CBLB: variants seen among roughly 807,000 people sequenced by gnomAD.
The protein encoded by CBLB is E3 ubiquitin-protein ligase CBL-B.
A neutral mutation model predicts 104.9 loss-of-function variants in CBLB; 31 were observed. That is an observed-to-expected ratio of 0.30 (90% CI 0.22 to 0.40). CBLB has a LOEUF of 0.40. CBLB is among the 10% of genes least tolerant of loss of function. The pLI is 1.00. For missense variants in CBLB, 1,062 were observed against 1,214.6 expected, an observed-to-expected ratio of 0.87 and a Z score of 1.87; for synonymous variants, 440 against 422.6, an observed-to-expected ratio of 1.04 and a Z score of -0.51.
intron 13 of CBLB, among the ~76,000 whole-genome samples, chr3:105,689,085 T>C (rs1245155717): frequency 1.3e-5 from 2 of 152,064 alleles, no homozygotes; most frequent in Non-Finnish European, 2.9e-5. Flanking sequence ...TTTATCCTCT[T>C]CCCTGCTTAT....
intron 1 of CBLB, chr3:105,868,507 C>G (rs1376735754): frequency 3.0e-6 from 1 of 332,682 alleles, no homozygotes; most frequent in East Asian, 4.7e-5. Context: ...GGACGCGCCT[C>G]CCGGCCGCCT....
intron 2 of CBLB, among the ~76,000 whole-genome samples, chr3:105,866,154 T>C (rs1272848354): frequency 6.6e-6 from 1 of 152,188 alleles, no homozygotes; most frequent in Non-Finnish European, 1.5e-5. Flanking sequence ...ACTAAGGCTA[T>C]TTATCTGGCA....
chr3:105,845,742 G>C (rs1156378404), intron 3 of CBLB, among the ~76,000 whole-genome samples: 2 of 151,978 alleles, frequency 1.3e-5, no homozygotes, highest in Non-Finnish European at 2.9e-5. Flanking sequence ...GAAAACATTT[G>C]TCTAAATAAC....
At chr3:105,709,862 T>G (rs532070025) in intron 10 of CBLB, among the ~76,000 whole-genome samples, 1 of 152,094 alleles carries the variant, frequency 6.6e-6, no homozygotes, top group Non-Finnish European at 1.5e-5. Flanking sequence ...ACCAGCCATG[T>G]GTGATAATTA....
intron 3 of CBLB, among the ~76,000 whole-genome samples, chr3:105,833,669 A>G (rs2087931488): frequency 6.6e-6 from 1 of 151,926 alleles, no homozygotes; most frequent in Non-Finnish European, 1.5e-5. Context: ...TATATTCCTT[A>G]TAATTTGAAT....
At chr3:105,869,236 A>C, upstream of CBLB, 1 of 661,458 alleles carries the variant, frequency 1.5e-6, no homozygotes, top group Non-Finnish European at 2.5e-6. Context: ...TCAGAAAGGA[A>C]TTGGACTCGG....
chr3:105,800,135 T>C (rs921245181), intron 3 of CBLB, among the ~76,000 whole-genome samples: 1 of 152,146 alleles, frequency 6.6e-6, no homozygotes, highest in African/African-American at 2.4e-5. Flanking sequence ...GGGCCTCAAA[T>C]TCCTCATCTG....
intron 14 of CBLB, among the ~76,000 whole-genome samples, chr3:105,683,181 C>G (rs1362813981): frequency 6.6e-6 from 1 of 152,130 alleles, no homozygotes; most frequent in Non-Finnish European, 1.5e-5. Flanking sequence ...TGGATTTTTA[C>G]TGAAATTAAA....
rs185573072 is a variant in CBLB at position 105,741,973 on chromosome 3, C to A, written c.846-1342G>T. Among the ~76,000 whole-genome samples, 373 of 152,306 alleles carry A rather than the reference C, an allele frequency of 2.4e-3. 6 individuals carry two copies. Among genetic ancestry groups the A allele is most frequent in the Admixed American group, 0.021 (328 of 15,296 alleles). On this transcript the variant is annotated intron_variant, in intron 6 of 18. Coordinates refer to ENST00000394030, the MANE Select transcript of CBLB (RefSeq NM_170662.5). ...GTTAAGATAGTTCAAAAATATAAAT[C>A]AAATCAAGTCCCTTGAAACTAATAT...
intron 2 of CBLB, among the ~76,000 whole-genome samples, chr3:105,867,023 T>C (rs1328999329): frequency 6.6e-6 from 1 of 152,238 alleles, no homozygotes; most frequent in Non-Finnish European, 1.5e-5. Flanking sequence ...TACCAGATGA[T>C]TGTCATGAGT....
intron 3 of CBLB, among the ~76,000 whole-genome samples, chr3:105,793,322 G>C (rs1417192117): frequency 1.3e-5 from 2 of 152,090 alleles, no homozygotes; most frequent in African/African-American, 4.8e-5. Flanking sequence ...CACTCTCTGG[G>C]AAGCTGGCCC....
intron 3 of CBLB, among the ~76,000 whole-genome samples, chr3:105,845,480 C>T (rs1360200709): frequency 6.6e-6 from 1 of 150,726 alleles, no homozygotes; most frequent in Non-Finnish European, 1.5e-5. Flanking sequence ...TGGTGGAATT[C>T]ATTTTAATTA....
At chr3:105,811,386 C>A (rs1258207952) in intron 3 of CBLB, among the ~76,000 whole-genome samples, 3 of 152,088 alleles carry the variant, frequency 2.0e-5, no homozygotes, top group Admixed American at 6.6e-5. Flanking sequence ...AGTTTAAAAA[C>A]CAATTATTTC....
At chr3:105,838,141 G>C (rs531498563) in intron 3 of CBLB, among the ~76,000 whole-genome samples, 1 of 138,232 alleles carries the variant, frequency 7.2e-6, no homozygotes, top group African/African-American at 2.7e-5. Context: ...GGAGTGCAGC[G>C]CCATGACCTC....
At chr3:105,676,488 A>G (rs774953492) in intron 17 of CBLB, among the ~76,000 whole-genome samples, 1 of 152,196 alleles carries the variant, frequency 6.6e-6, no homozygotes, top group South Asian at 2.1e-4. Flanking sequence ...AGTTCCATCT[A>G]TTGGGGCTTA....
chr3:105,756,472 CATAA>C (rs778832444), intron 4 of CBLB, among the ~76,000 whole-genome samples: 2 of 151,968 alleles, frequency 1.3e-5, no homozygotes, highest in Non-Finnish European at 2.9e-5. Flanking sequence ...ATATAAAAAA[CATAA>C]ATAAAGGTAT....
intron 2 of CBLB, among the ~76,000 whole-genome samples, chr3:105,855,256 T>TGGGGA (rs1233277268): frequency 6.6e-6 from 1 of 151,874 alleles, no homozygotes; most frequent in Non-Finnish European, 1.5e-5. Context: ...GCCCCAGGGA[T>TGGGGA]GGGGAGGGGA....
chr3:105,847,421 CA>C (rs1560511635), intron 3 of CBLB, among the ~76,000 whole-genome samples: 5 of 151,160 alleles, frequency 3.3e-5, no homozygotes, highest in African/African-American at 1.2e-4. Context: ...CACACACACA[CA>C]CACACACCCC....
At chr3:105,735,216 CAGGT>C (rs1012010615) in intron 8 of CBLB, among the ~76,000 whole-genome samples, 3 of 152,080 alleles carry the variant, frequency 2.0e-5, no homozygotes, top group African/African-American at 7.2e-5. Context: ...CATGTACATG[CAGGT>C]ACACACATGT....
Sources: allele counts gnomAD v4.1 joint callset (sites outside exome capture counted in the v4.1 genomes callset), GRCh38; gene constraint gnomAD v4.1.1; transcripts MANE v1.5; gene names NCBI Gene and HGNC (gene_info 2026-07-23, HGNC 2026-07-21).